The following VWA3A variants were observed in gnomAD, a reference collection of about 807,000 sequenced individuals.
VWA3A encodes von Willebrand factor A domain containing 3A.
A neutral mutation model predicts 160.4 loss-of-function variants in VWA3A; 134 were observed. The observed-to-expected ratio is 0.84, with a 90% CI of 0.73 to 0.96. The LOEUF is 0.96. Among genes scored for constraint, VWA3A ranks in the 40% least tolerant of loss-of-function variants. The pLI is 0.00. For missense variants in VWA3A, 1,310 were observed against 1,447.9 expected, an observed-to-expected ratio of 0.90 and a Z score of 1.55; for synonymous variants, 476 against 543.4, an observed-to-expected ratio of 0.88 and a Z score of 1.72.
In VWA3A at chr16:22,144,295, T is replaced by G. The variant is rs2046207170; in HGVS notation, c.2641T>G (p.Cys881Gly). The part of the protein sequence containing the change: ...LKKLKLEISR[C>G]MGPNCTHQKS... The stretch of plus-strand genomic sequence containing the variant: ...AAAATTGAAGCTGGAGATTTCCAGA[T>G]GCATGGGTCCCAACTGCACTCATCA... Residue 881 changes from cysteine (C) to glycine (G), a missense_variant, in exon 26 of 34, where the codon TGC becomes GGC. Coordinates refer to ENST00000389398, the MANE Select transcript of VWA3A (RefSeq NM_173615.5). The G allele has an allele frequency of 6.2e-7, 1 of 1,613,748 alleles. No individual in the cohort carries two copies. Among genetic ancestry groups the G allele is most frequent in the African/African-American group, 1.3e-5 (1 of 75,038 alleles).
At chr16:22,096,303 AT>A (rs2045320200) in intron 1 of VWA3A, among the ~76,000 whole-genome samples, 1 of 152,190 alleles carries the variant, frequency 6.6e-6, no homozygotes, top group African/African-American at 2.4e-5. Context: ...GAATGAATTA[AT>A]TAAAGAAGAG....
At chr16:22,121,833 C>T (rs137880258) in intron 14 of VWA3A, among the ~76,000 whole-genome samples, 49 of 152,280 alleles carry the variant, frequency 3.2e-4, no homozygotes, top group Non-Finnish European at 5.4e-4. Context: ...TCAGGTACCA[C>T]GGTCACCTCC....
intron 1 of VWA3A, among the ~76,000 whole-genome samples, chr16:22,096,107 T>A (rs1340741615): frequency 6.6e-6 from 1 of 152,070 alleles, no homozygotes; most frequent in Non-Finnish European, 1.5e-5. Context: ...GCTACTGATA[T>A]CTAATAGGTA....
rs939768265 is a variant in VWA3A at position 22,146,266 on chromosome 16, A to C, written c.2761A>C (p.Arg921=). The C allele has an allele frequency of 6.2e-7, 1 of 1,613,514 alleles. No homozygotes were observed. The change falls in exon 27 of 34, where the codon AGG becomes CGG. Residue 921 remains arginine (R), a synonymous_variant. Transcript: ENST00000389398. ...GVVRHIQWTP[R]EMEVYIRHLE... ...GGTGAGACACATCCAGTGGACGCCC[A>C]GGGAGATGGAGGTGTACATCAGGCA... is the stretch of plus-strand genomic sequence containing the variant.
chr16:22,123,186 G>C (rs1250583908), intron 15 of VWA3A, 21 bp downstream of exon 15: 1 of 1,582,206 alleles, frequency 6.3e-7, no homozygotes, highest in African/African-American at 1.3e-5. Context: ...GGTTCAATCA[G>C]TCAGAAAATG....
At chr16:22,155,802 G>C in intron 32 of VWA3A, 49 bp from the exon 33 acceptor site, 1 of 1,613,272 alleles carries the variant, frequency 6.2e-7, no homozygotes, top group Non-Finnish European at 8.5e-7. Flanking sequence ...AGCCAGCCCA[G>C]AAATCTGGGC....
At chr16:22,112,804 G>A (rs1211267308) in intron 8 of VWA3A, among the ~76,000 whole-genome samples, 2 of 152,206 alleles carry the variant, frequency 1.3e-5, no homozygotes, top group Non-Finnish European at 2.9e-5. Context: ...CTGTAAAGAG[G>A]GGCCCTTCCA....
intron 28 of VWA3A, 111 bp downstream of exon 28, chr16:22,148,417 C>T: frequency 7.2e-7 from 1 of 1,394,748 alleles, no homozygotes; most frequent in Non-Finnish European, 9.5e-7. Flanking sequence ...CTGAGATGCT[C>T]TTCTGAGTAA....
chr16:22,141,480 G>T, intron 23 of VWA3A, 102 bp from the exon 24 acceptor site: 1 of 1,074,672 alleles, frequency 9.3e-7, no homozygotes, highest in African/African-American at 1.6e-5. Flanking sequence ...CCATTTCCTG[G>T]GGTGGAGTAT....
chr16:22,115,436 A>G lies in VWA3A; in HGVS notation c.779A>G (p.Lys260Arg), dbSNP rs1567202567. Residue 260 changes from lysine to arginine, a missense_variant, in exon 9 of 34, where the codon AAG (lysine) becomes AGG (arginine). Coordinates refer to ENST00000389398, the MANE Select transcript of VWA3A (RefSeq NM_173615.5). ...LQALKKIFTL[K>R]GLDSLVAIMR... ...GCTCTGAAGAAGATCTTCACTCTCA[A>G]GGGACTGGATTCCCTGGTGGCCATC... The G allele has an allele frequency of 1.9e-6, 3 of 1,608,570 alleles. No individual in the cohort carries two copies. The highest frequency in any genetic ancestry group is 2.5e-6 in the Non-Finnish European group (3 of 1,177,816).
chr16:22,108,478 C>A (rs575508697), intron 6 of VWA3A, among the ~76,000 whole-genome samples: 2 of 152,208 alleles, frequency 1.3e-5, no homozygotes, highest in East Asian at 3.9e-4. Flanking sequence ...GTAGACTCTG[C>A]ATGGAAAGAT....
In VWA3A at chr16:22,142,658, C is replaced by T. The variant is rs1197461472; in HGVS notation, c.2495-10C>T. On this transcript the variant is annotated splice_polypyrimidine_tract_variant and intron_variant, in intron 24 of 33. Transcript: ENST00000389398. ...AAACTATAGCAATGACCTCACTCTG[C>T]TTCTTCTAGGCTCAGTGTACAAGAA... 2 of 1,555,534 alleles carry T rather than the reference C, an allele frequency of 1.3e-6. No homozygotes were observed. The highest frequency in any genetic ancestry group is 3.9e-5 in the Admixed American group (2 of 51,720).
chr16:22,145,637 T>A (rs1397290495), intron 26 of VWA3A, among the ~76,000 whole-genome samples: 1 of 146,350 alleles, frequency 6.8e-6, no homozygotes, highest in African/African-American at 2.5e-5. Context: ...TGAGACTCTG[T>A]CTCAAAAAAA....
chr16:22,134,400 AT>A lies in VWA3A; in HGVS notation c.2102del (p.Met701SerfsTer21). 2 of 1,599,286 alleles carry A rather than the reference AT, an allele frequency of 1.3e-6. No individual in the cohort carries two copies. Among genetic ancestry groups the A allele is most frequent in the Non-Finnish European group, 1.7e-6 (2 of 1,172,490 alleles). On this transcript the variant is annotated frameshift_variant, in exon 21 of 34. Transcript: ENST00000389398. LOFTEE classifies it high-confidence loss of function. ...IYESDDINSI[M>X]SEMEKALNYS... ...TGAGAGCGATGACATCAACTCCATC[AT>A]GTCTGAGATGGAAAAGGCTCTCAAC...
Position 22,116,583 on chromosome 16 carries a change from G to C in VWA3A, c.816-176G>C, listed in dbSNP as rs546524107. Among the ~76,000 whole-genome samples the C allele has an allele frequency of 7.2e-5, 11 of 152,344 alleles. No homozygotes were observed. The South Asian group carries it at 1.9e-3, about 26-fold the overall frequency. ...AGGCCACCCACCCATCTGCAGAGGAGGCAGAGGGCAGACAGGCCTGCAGTC... is the reference window on the plus strand; with the variant it reads ...AGGCCACCCACCCATCTGCAGAGGACGCAGAGGGCAGACAGGCCTGCAGTC... On this transcript the variant is annotated intron_variant, in intron 9 of 33. Coordinates refer to ENST00000389398, the MANE Select transcript of VWA3A (RefSeq NM_173615.5).
intron 9 of VWA3A, chr16:22,116,330 AAGAG>A (rs748355827): frequency 9.1e-6 from 4 of 439,286 alleles, no homozygotes; most frequent in Non-Finnish European, 8.9e-6. Context: ...GGAAAGATGG[AAGAG>A]AGAGAAAGAA....
At chr16:22,108,796 TACAG>T (rs1348649430) in intron 6 of VWA3A, among the ~76,000 whole-genome samples, 6 of 152,166 alleles carry the variant, frequency 3.9e-5, no homozygotes, top group Non-Finnish European at 7.3e-5. Flanking sequence ...TGACAAGTAA[TACAG>T]ACAGTCCTTG....
chr16:22,120,501 C>A (rs2045713436), intron 12 of VWA3A, among the ~76,000 whole-genome samples: 1 of 152,154 alleles, frequency 6.6e-6, no homozygotes, highest in South Asian at 2.1e-4. Context: ...TAGCAAAATT[C>A]ATGAAGGCAG....
Position 22,092,573 on chromosome 16 carries a change from G to A in VWA3A, c.-65G>A. 1 of 1,543,572 alleles carries A rather than the reference G, an allele frequency of 6.5e-7. No individual in the cohort carries two copies. The highest frequency in any genetic ancestry group is 8.8e-7 in the Non-Finnish European group (1 of 1,141,706). On this transcript the variant is annotated 5_prime_UTR_variant, in exon 1 of 34. It adds an upstream start codon to the 5' untranslated region. Coordinates refer to ENST00000389398, the MANE Select transcript of VWA3A (RefSeq NM_173615.5). ...TTGGAGGAGCTTGGAGAAACCAGAA[G>A]TGAGATCCAGGAGAAGTAAGGCCCT...
Sources: gnomAD v4.1 joint callset for allele counts (sites outside exome capture counted in the v4.1 genomes callset) on GRCh38, gnomAD v4.1.1 for gene constraint, MANE v1.5 for transcripts, NCBI Gene and HGNC (gene_info 2026-07-23, HGNC 2026-07-21) for gene names.